Variants in CEP43 observed in about 807,000 individuals in gnomAD.
The protein encoded by CEP43 is centrosomal protein 43.
Under a neutral mutation model 52.6 loss-of-function variants are expected in CEP43, and 36 were observed. The ratio of observed to expected loss-of-function variants is 0.68; its 90% CI spans 0.52 to 0.90. CEP43 has a LOEUF of 0.90. Among genes scored for constraint, CEP43 ranks in the 40% least tolerant of loss-of-function variants. The pLI is 0.00. For missense variants in CEP43, 506 were observed against 472.8 expected (o/e 1.07, Z -0.65); for synonymous variants, 192 against 172.4 (o/e 1.11, Z -0.89).
chr6:167,013,618 C>A, intron 7 of CEP43, 51 bp downstream of exon 7: 3 of 1,475,736 alleles, frequency 2.0e-6, no homozygotes, highest in South Asian at 2.3e-5. Flanking sequence ...CATCAGGTCT[C>A]GACTCTGGGG....
chr6:167,015,519 A>G (rs563881705), intron 7 of CEP43, among the ~76,000 whole-genome samples: 1 of 152,212 alleles, frequency 6.6e-6, no homozygotes, highest in African/African-American at 2.4e-5. Flanking sequence ...TCCGCATGGT[A>G]GGTGAGTGGC....
intron 7 of CEP43, among the ~76,000 whole-genome samples, chr6:167,018,184 G>A (rs1780144028): frequency 6.6e-6 from 1 of 152,136 alleles, no homozygotes; most frequent in African/African-American, 2.4e-5. Context: ...CCACTCATTA[G>A]GTTAGGACCC....
Position 167,033,865 on chromosome 6 carries a change from C to G in CEP43, c.1029-10C>G, listed in dbSNP as rs772812386. The G allele has an allele frequency of 7.0e-7, 1 of 1,430,170 alleles. No individual in the cohort carries two copies. Among genetic ancestry groups the G allele is most frequent in the South Asian group, 1.3e-5 (1 of 78,920 alleles). 88.6% of individuals were successfully genotyped at this position (1,430,170 alleles called of 1,614,324 possible). ...AGAGTTCTTATTTTTTTTTCCCCTT[C>G]TGAAATTAGTACCAGCCATCGCTCA... On this transcript the variant is annotated splice_polypyrimidine_tract_variant and intron_variant, in intron 11 of 12. Coordinates refer to ENST00000366847, the MANE Select transcript of CEP43 (RefSeq NM_007045.4).
chr6:167,001,416 G>GT (rs965840655), intron 2 of CEP43, among the ~76,000 whole-genome samples: 5 of 152,080 alleles, frequency 3.3e-5, no homozygotes, highest in African/African-American at 9.7e-5. Flanking sequence ...TACCGCTGTG[G>GT]TTTTTTTCCT....
chr6:167,027,278 T>G (rs1780376490), intron 10 of CEP43, among the ~76,000 whole-genome samples: 1 of 152,186 alleles, frequency 6.6e-6, no homozygotes, highest in Non-Finnish European at 1.5e-5. Context: ...CTGGGCCATA[T>G]GTTGAGAGCA....
rs1562539915 is a variant in CEP43, at chr6:167,052,330, G to C, written c.*12352G>C. 6.6e-6 allele frequency: 1 copy of C among 152,082 alleles called. No homozygotes were observed. The highest frequency in any genetic ancestry group is 1.5e-5 in the Non-Finnish European group (1 of 68,010). 9.4% of individuals were successfully genotyped at this position (152,082 alleles called of 1,614,324 possible). On this transcript the variant is annotated 3_prime_UTR_variant, in exon 13 of 13. Coordinates refer to ENST00000366847, the MANE Select transcript of CEP43 (RefSeq NM_007045.4). ...TATGTTTTTTAAAGAACCTGAGACT[G>C]GAAGTGAGGGAAATAGGGCGTGCAG...
chr6:167,008,310 T>C (rs1208941848), intron 5 of CEP43, among the ~76,000 whole-genome samples: 3 of 152,294 alleles, frequency 2.0e-5, no homozygotes, highest in South Asian at 2.1e-4. Flanking sequence ...CAGCTGCAAC[T>C]CTTGTTCTTC....
intron 4 of CEP43, 152 bp from the exon 5 acceptor site, chr6:167,004,112 A>G (rs1779798705): frequency 1.2e-6 from 1 of 803,026 alleles, no homozygotes; most frequent in Non-Finnish European, 1.9e-6. Context: ...TAAAAGAAAT[A>G]GGCATAATTT....
Position 167,040,764 on chromosome 6 carries a change from C to T in CEP43, c.*786C>T. On this transcript the variant is annotated 3_prime_UTR_variant, in exon 13 of 13. Coordinates refer to ENST00000366847, the MANE Select transcript of CEP43 (RefSeq NM_007045.4). Reference sequence around the variant, plus strand: ...CCTTGAAACTTAAATGCATCTGAAACCATTAAGCAGTGCTTTTATTTCAGA... The same window carrying T: ...CCTTGAAACTTAAATGCATCTGAAATCATTAAGCAGTGCTTTTATTTCAGA... The T allele has an allele frequency of 2.9e-6, 2 of 691,316 alleles. No homozygotes were observed. The highest frequency in any genetic ancestry group is 6.7e-4 in the Middle Eastern group (1 of 1,490). 42.8% of individuals were successfully genotyped at this position (691,316 alleles called of 1,614,324 possible). A position where few individuals can be genotyped will look rare whatever the true frequency, so the allele number is the denominator to read the frequency against.
chr6:167,033,913 G>A lies in CEP43; in HGVS notation c.1067G>A (p.Gly356Asp), dbSNP rs1483965065. 1 of 1,601,656 alleles carries A rather than the reference G, an allele frequency of 6.2e-7. No individual in the cohort carries two copies. Among genetic ancestry groups the A allele is most frequent in the Non-Finnish European group, 8.5e-7 (1 of 1,171,898 alleles). Residue 356 changes from glycine to aspartate, a missense_variant, in exon 12 of 13, where the codon GGT (glycine) becomes GAT (aspartate). Transcript: ENST00000366847. ...HRSEKSEISI[G>D]EEIEEDLSVE... ...TCAGAGAAAAGTGAGATAAGTATTGGTGAAGAGATAGAAGAAGACCTTTCT... is the reference window on the plus strand; with the variant it reads ...TCAGAGAAAAGTGAGATAAGTATTGATGAAGAGATAGAAGAAGACCTTTCT...
chr6:166,999,432 CAGTGGT>C lies in CEP43; in HGVS notation c.21_26del (p.Val8_Val9del). 2 of 1,478,172 alleles carry C rather than the reference CAGTGGT, an allele frequency of 1.4e-6. No homozygotes were observed. Among genetic ancestry groups the C allele is most frequent in the African/African-American group, 2.9e-5 (2 of 68,430 alleles). The allele number at this position is 1,478,172 out of a possible 1,614,324, so 91.6% of individuals were successfully genotyped here. On this transcript the variant is annotated inframe_deletion, in exon 1 of 13. Transcript: ENST00000366847. ...AGCAAGATGGCGGCGACGGCGGCCG[CAGTGGT>C]GGCCGAGGAGGACACGGAGCTGCGG...
chr6:167,030,001 G>A (rs1487732135), intron 10 of CEP43, among the ~76,000 whole-genome samples: 1 of 152,230 alleles, frequency 6.6e-6, no homozygotes, highest in African/African-American at 2.4e-5. Context: ...ATCAGTTAGG[G>A]TAGGGCAGAA....
chr6:167,025,094 C>G (rs931811136), intron 9 of CEP43, 200 bp downstream of exon 9: 2 of 498,734 alleles, frequency 4.0e-6, no homozygotes, highest in Non-Finnish European at 7.1e-6. Flanking sequence ...GTTTTGTATT[C>G]TGGCCCTTCC....
rs1052191475 is a variant in CEP43, at chr6:167,040,699, C to A, written c.*721C>A. On this transcript the variant is annotated 3_prime_UTR_variant, in exon 13 of 13. Transcript: ENST00000366847. The stretch of plus-strand genomic sequence containing the variant: ...TGTTATCCATGTAAGCAGCTTTAGT[C>A]GTAGGTTCTCTTCATTATAATTTAT... The A allele has an allele frequency of 9.8e-7, 1 of 1,018,232 alleles. No individual in the cohort carries two copies. The highest frequency in any genetic ancestry group is 1.2e-6 in the Non-Finnish European group (1 of 847,372). 63.1% of individuals were successfully genotyped at this position (1,018,232 alleles called of 1,614,324 possible). A position where few individuals can be genotyped will look rare whatever the true frequency, so the allele number is the denominator to read the frequency against.
chr6:167,031,116 C>T (rs1274977957), intron 10 of CEP43, among the ~76,000 whole-genome samples: 1 of 152,068 alleles, frequency 6.6e-6, no homozygotes, highest in Non-Finnish European at 1.5e-5. Flanking sequence ...TTGAGGGGGT[C>T]TTGCAATGTT....
chr6:167,026,604 C>G lies in CEP43; in HGVS notation c.977C>G (p.Ser326Ter). 1 of 1,583,372 alleles carries G rather than the reference C, an allele frequency of 6.3e-7. No homozygotes were observed. The highest frequency in any genetic ancestry group is 8.7e-7 in the Non-Finnish European group (1 of 1,152,064). The part of the protein sequence containing the change: ...DLKLISDKIG[S>*]LGLGTGEDDD... ...AAATTGATCAGTGATAAAATTGGAT[C>G]ACTTGGATTAGGTAATTAGATTTCT... Residue 326 changes from serine to a stop codon, truncating the protein, a stop_gained, in exon 10 of 13, where the codon TCA (serine) becomes TGA (stop). Coordinates refer to ENST00000366847, the MANE Select transcript of CEP43 (RefSeq NM_007045.4). LOFTEE classifies it high-confidence loss of function.
chr6:167,046,750 C>T lies in CEP43; in HGVS notation c.*6772C>T, dbSNP rs1780805170. 1 of 152,322 alleles carries T rather than the reference C, an allele frequency of 6.6e-6. No individual in the cohort carries two copies. The highest frequency in any genetic ancestry group is 1.5e-5 in the Non-Finnish European group (1 of 68,140). 9.4% of individuals were successfully genotyped at this position (152,322 alleles called of 1,614,324 possible). On this transcript the variant is annotated 3_prime_UTR_variant, in exon 13 of 13. Transcript: ENST00000366847. ...GAGACCTATGTCACCAAGGCCAGGC[C>T]CTCTCAGGGGGCTCCATCCAACGAC...
At chr6:167,037,812 T>C (rs1437880567) in intron 12 of CEP43, among the ~76,000 whole-genome samples, 1 of 152,248 alleles carries the variant, frequency 6.6e-6, no homozygotes, top group Non-Finnish European at 1.5e-5. Flanking sequence ...ACTTGTTCTC[T>C]AAAAGGCCAT....
At chr6:167,028,124 G>A (rs911070959) in intron 10 of CEP43, 6 of 985,550 alleles carry the variant, frequency 6.1e-6, no homozygotes, top group African/African-American at 5.2e-5. Flanking sequence ...CCTCTGCACC[G>A]TGATGGCCGC....
Sources: gnomAD v4.1 joint callset for allele counts (sites outside exome capture counted in the v4.1 genomes callset) on GRCh38, gnomAD v4.1.1 for gene constraint, MANE v1.5 for transcripts, NCBI Gene and HGNC (gene_info 2026-07-23, HGNC 2026-07-21) for gene names.